COL22A1: variants seen among roughly 807,000 people sequenced by gnomAD.
The protein encoded by COL22A1 is collagen alpha-1(XXII) chain.
COL22A1 carries 221 observed loss-of-function variants against 248.9 expected under a neutral mutation model. The observed-to-expected ratio is 0.89, with a 90% confidence interval of 0.80 to 0.99. The LOEUF is 0.99. Among genes scored for constraint, COL22A1 ranks in the 50% least tolerant of loss-of-function variants. COL22A1 has a pLI of 0.00. For missense variants in COL22A1, 2,240 were observed against 2,179.0 expected (o/e 1.03, Z -0.56); for synonymous variants, 891 against 793.4 (o/e 1.12, Z -2.07).
At chr8:138,760,114 C>A in intron 18 of COL22A1, 129 bp downstream of exon 18, 1 of 578,908 alleles carries the variant, frequency 1.7e-6, no homozygotes, top group Non-Finnish European at 2.8e-6. Flanking sequence ...CAGCCACCAC[C>A]CTTTGTGTGT....
At chr8:138,650,820 A>T (rs1367209860) in intron 45 of COL22A1, among the ~76,000 whole-genome samples, 3 of 152,180 alleles carry the variant, frequency 2.0e-5, no homozygotes, top group Admixed American at 2.0e-4. Context: ...CATTGAAAAA[A>T]TACTTGAAAG....
At position 138,703,352 on chromosome 8, in the gene COL22A1, A is replaced by G; in HGVS notation, c.2518-5T>C. 2 of 1,613,150 alleles carry G rather than the reference A, an allele frequency of 1.2e-6. No homozygotes were observed. Among genetic ancestry groups the G allele is most frequent in the Non-Finnish European group, 1.7e-6 (2 of 1,179,116 alleles). On this transcript the variant is annotated splice_polypyrimidine_tract_variant and splice_region_variant and intron_variant, in intron 30 of 64. Coordinates refer to ENST00000303045, the MANE Select transcript of COL22A1 (RefSeq NM_152888.3). Reference sequence around the variant, plus strand: ...GCCTGCAGGACCAGCTTCACCCTAGATGGAGAAATGGAAAATCCATGACCA... The same window carrying G: ...GCCTGCAGGACCAGCTTCACCCTAGGTGGAGAAATGGAAAATCCATGACCA...
At chr8:138,793,601 C>T (rs1260407567) in intron 12 of COL22A1, among the ~76,000 whole-genome samples, 7 of 152,228 alleles carry the variant, frequency 4.6e-5, no homozygotes, top group Admixed American at 6.5e-5. Context: ...GCCAGAAGTG[C>T]CAGCGTCCAT....
At chr8:138,839,550 C>T (rs889084079) in intron 4 of COL22A1, among the ~76,000 whole-genome samples, 1 of 152,124 alleles carries the variant, frequency 6.6e-6, no homozygotes, top group African/African-American at 2.4e-5. Context: ...ATGTTTAACG[C>T]AGCCCAAGGC....
rs1235374088 is a variant in COL22A1, at chr8:138,660,953, CAG to C, written c.3241-475_3241-474del. 3.7e-4 allele frequency among the ~76,000 whole-genome samples: 30 copies of C among 81,534 alleles called. No homozygotes were observed. In the East Asian group the frequency reaches 7.4e-3, roughly 20 times the overall value. 53.5% of individuals were successfully genotyped at this position (81,534 alleles called of 152,430 possible). ...ACACACAGACACACACATAAACACACAGACACACACGCACACACACATACACA... is the reference window on the plus strand; with the variant it reads ...ACACACAGACACACACATAAACACACACACACACGCACACACACATACACA... On this transcript the variant is annotated intron_variant, in intron 43 of 64. Coordinates refer to ENST00000303045, the MANE Select transcript of COL22A1 (RefSeq NM_152888.3).
At chr8:138,805,317 G>GTGTGTGATGGTGTGGA (rs1817426689) in intron 10 of COL22A1, among the ~76,000 whole-genome samples, 4 of 96,222 alleles carry the variant, frequency 4.2e-5, no homozygotes, top group African/African-American at 2.4e-4. Flanking sequence ...TGTTTGGTGT[G>GTGTGTGATGGTGTGGA]TGTGTGATGG....
At position 138,778,037 on chromosome 8, in the gene COL22A1, A is replaced by G. The variant is rs189586710; in HGVS notation, c.1758+316T>C. ...GAGTACAGTACAGGACAGGCTGGGG[A>G]AAATGAATTCTTTAGATCAAGTGTC... On this transcript the variant is annotated intron_variant, in intron 15 of 64. Coordinates refer to ENST00000303045, the MANE Select transcript of COL22A1 (RefSeq NM_152888.3). 2.4e-3 allele frequency: 1,055 copies of G among 437,686 alleles called. 10 individuals carry two copies. The highest frequency in any genetic ancestry group is 0.02 in the African/African-American group (979 of 49,664). The allele number at this position is 437,686 out of a possible 1,614,324, so 27.1% of individuals were successfully genotyped here.
In COL22A1 at chr8:138,848,530, T is replaced by C. The variant is rs569675784; in HGVS notation, c.659-4372A>G. On this transcript the variant is annotated intron_variant, in intron 3 of 64. Transcript: ENST00000303045. The stretch of plus-strand genomic sequence containing the variant: ...AAAAGGGCTTGCACAATATGGCGTC[T>C]GATGTCCTCGTGCTCTATGTTGACG... Among the ~76,000 whole-genome samples, 4 of 152,306 alleles carry C rather than the reference T, an allele frequency of 2.6e-5. No individual in the cohort carries two copies. In the East Asian group the frequency reaches 7.7e-4, roughly 29 times the overall value.
intron 3 of COL22A1, among the ~76,000 whole-genome samples, chr8:138,849,480 G>C (rs534534026): frequency 1.3e-5 from 2 of 152,280 alleles, no homozygotes; most frequent in South Asian, 4.2e-4. Flanking sequence ...ACTGCCCAAG[G>C]CCACACAGCT....
At chr8:138,672,312 T>C (rs1021558685) in intron 41 of COL22A1, among the ~76,000 whole-genome samples, 4 of 152,236 alleles carry the variant, frequency 2.6e-5, no homozygotes, top group Non-Finnish European at 4.4e-5. Flanking sequence ...ATGGAGGCCT[T>C]TGCTCACTCT....
At chr8:138,670,332 C>T (rs372149062) in intron 41 of COL22A1, among the ~76,000 whole-genome samples, 6 of 152,308 alleles carry the variant, frequency 3.9e-5, no homozygotes, top group Non-Finnish European at 5.9e-5. Context: ...ACCCACAGGA[C>T]GCAGCTCTGT....
intron 61 of COL22A1, among the ~76,000 whole-genome samples, chr8:138,598,230 GAGAA>G (rs5895536): frequency 0.13 from 19,216 of 152,156 alleles, 1,226 homozygotes; most frequent in South Asian, 0.18. Context: ...CCCAGCTTTG[GAGAA>G]AGAGAGACGC....
intron 30 of COL22A1, among the ~76,000 whole-genome samples, chr8:138,712,545 G>A (rs1829058571): frequency 1.3e-5 from 2 of 152,290 alleles, no homozygotes; most frequent in South Asian, 2.1e-4. Context: ...TGTTCTATCA[G>A]CAAAGAGTAC....
intron 47 of COL22A1, among the ~76,000 whole-genome samples, chr8:138,644,931 TCTC>T (rs138628643): frequency 5.3e-4 from 80 of 152,242 alleles, no homozygotes; most frequent in African/African-American, 1.9e-3. Context: ...GAAATAAAGA[TCTC>T]CTTTCCAAGT....
chr8:138,686,300 C>T (rs145613228), intron 37 of COL22A1, among the ~76,000 whole-genome samples: 89 of 152,298 alleles, frequency 5.8e-4, no homozygotes, highest in Admixed American at 1.8e-3. Flanking sequence ...TCTTCTCTGA[C>T]GACAGGGCTC....
intron 1 of COL22A1, among the ~76,000 whole-genome samples, chr8:138,892,362 A>G (rs1469990057): frequency 1.3e-5 from 2 of 151,968 alleles, no homozygotes; most frequent in Admixed American, 6.6e-5. Context: ...GATGATCTCT[A>G]CTCTATCAGG....
chr8:138,663,772 G>A (rs1824196487), intron 41 of COL22A1, 32 bp from the exon 42 acceptor site: 3 of 1,564,676 alleles, frequency 1.9e-6, no homozygotes, highest in Non-Finnish European at 1.8e-6. Flanking sequence ...TGTAAGCAAA[G>A]TAGAAATGGC....
intron 4 of COL22A1, among the ~76,000 whole-genome samples, chr8:138,833,638 C>T (rs1164564364): frequency 6.6e-6 from 1 of 152,198 alleles, no homozygotes; most frequent in Non-Finnish European, 1.5e-5. Flanking sequence ...AGAGAAACAT[C>T]AGAGAGGAAT....
chr8:138,881,527 T>C (rs1824208704), intron 2 of COL22A1, among the ~76,000 whole-genome samples: 1 of 151,698 alleles, frequency 6.6e-6, no homozygotes, highest in African/African-American at 2.4e-5. Flanking sequence ...CTACTAAAAA[T>C]ACAAAAAATT....
Sources: gnomAD v4.1 joint callset for allele counts (sites outside exome capture counted in the v4.1 genomes callset) on GRCh38, gnomAD v4.1.1 for gene constraint, MANE v1.5 for transcripts, NCBI Gene and HGNC (gene_info 2026-07-23, HGNC 2026-07-21) for gene names.